The following PLPP3 variants were observed in gnomAD, a reference collection of about 807,000 sequenced individuals.
PLPP3 encodes the protein phospholipid phosphatase 3, also known as PAP2 beta.
PLPP3 carries 6 observed loss-of-function variants against 29.6 expected under a neutral mutation model. The ratio of observed to expected loss-of-function variants is 0.20; its 90% CI spans 0.11 to 0.40. PLPP3 has a LOEUF of 0.40. Ranked by LOEUF, PLPP3 falls within the 10% of genes least tolerant of loss-of-function variation. The probability of loss-of-function intolerance (pLI) is 1.00; values close to 1 mark genes in which losing one functional copy is unlikely to be tolerated. For synonymous variants in PLPP3, 152 were observed against 159.7 expected (o/e 0.95, Z 0.36); for missense variants, 308 against 407.7 (o/e 0.76, Z 2.11).
intron 5 of PLPP3, among the ~76,000 whole-genome samples, chr1:56,507,372 A>G (rs1645710686): frequency 6.6e-6 from 1 of 152,226 alleles, no homozygotes; most frequent in African/African-American, 2.4e-5. Flanking sequence ...TGAAGCCACA[A>G]GCTAATTCAT....
intron 2 of PLPP3, among the ~76,000 whole-genome samples, chr1:56,534,098 T>G (rs1645908302): frequency 6.6e-6 from 1 of 152,190 alleles, no homozygotes; most frequent in African/African-American, 2.4e-5. Flanking sequence ...CTGCCCATTT[T>G]AAATCTTTGC....
At chr1:56,555,699 A>T (rs1242041708) in intron 1 of PLPP3, among the ~76,000 whole-genome samples, 2 of 152,078 alleles carry the variant, frequency 1.3e-5, no homozygotes, top group African/African-American at 2.4e-5. Context: ...TGTAGAAACA[A>T]GGTCTTGCTA....
At chr1:56,511,003 A>G (rs1380300980) in intron 5 of PLPP3, among the ~76,000 whole-genome samples, 1 of 152,140 alleles carries the variant, frequency 6.6e-6, no homozygotes, top group Non-Finnish European at 1.5e-5. Flanking sequence ...AGATCTCTCT[A>G]TTGTTCATAA....
Position 56,524,267 on chromosome 1 carries a change from G to C in PLPP3, c.575+10C>G. On this transcript the variant is annotated intron_variant, in intron 3 of 5. Coordinates refer to ENST00000371250, the MANE Select transcript of PLPP3 (RefSeq NM_003713.5). The surrounding 1 kb of genome is among the most constrained non-coding windows in gnomAD (Gnocchi z 4.3). ...GTCCAGGCTCTGGCCATGCGGAGGTGGTGTCTCACCTGGCTTCCTGGACTT... is the reference window on the plus strand; with the variant it reads ...GTCCAGGCTCTGGCCATGCGGAGGTCGTGTCTCACCTGGCTTCCTGGACTT... 3 of 1,612,608 alleles carry C rather than the reference G, an allele frequency of 1.9e-6. No homozygotes were observed. Among genetic ancestry groups the C allele is most frequent in the Non-Finnish European group, 2.5e-6 (3 of 1,179,608 alleles).
chr1:56,566,772 T>G (rs1646164513), intron 1 of PLPP3, among the ~76,000 whole-genome samples: 1 of 152,238 alleles, frequency 6.6e-6, no homozygotes, highest in East Asian at 1.9e-4. Context: ...TACTTACAAC[T>G]TGATTTTTTA....
chr1:56,563,347 G>A (rs1013181433), intron 1 of PLPP3, among the ~76,000 whole-genome samples: 9 of 152,158 alleles, frequency 5.9e-5, no homozygotes, highest in Admixed American at 2.0e-4. Context: ...TACACGGAGC[G>A]TTTTCCAAAG....
intron 1 of PLPP3, among the ~76,000 whole-genome samples, chr1:56,558,546 T>C (rs957613817): frequency 1.3e-5 from 2 of 152,250 alleles, no homozygotes; most frequent in Non-Finnish European, 2.9e-5. Flanking sequence ...CAATTATTTA[T>C]GACAGATAAC....
chr1:56,574,656 C>G (rs188275452), intron 1 of PLPP3, among the ~76,000 whole-genome samples: 10 of 152,312 alleles, frequency 6.6e-5, no homozygotes, highest in Non-Finnish European at 1.5e-4. Flanking sequence ...TGAAAGGACA[C>G]ATCCGGCGTA....
At chr1:56,500,068 G>A (rs749281460) in intron 5 of PLPP3, among the ~76,000 whole-genome samples, 4 of 152,168 alleles carry the variant, frequency 2.6e-5, no homozygotes, top group East Asian at 1.9e-4. Context: ...GTTACGATGC[G>A]CAGAACATTT....
At chr1:56,529,157 T>C (rs896757046) in intron 2 of PLPP3, among the ~76,000 whole-genome samples, 1 of 152,046 alleles carries the variant, frequency 6.6e-6, no homozygotes, top group African/African-American at 2.4e-5. Flanking sequence ...ATTACTAAAT[T>C]ATTACCAACA....
At chr1:56,503,952 A>T (rs1011597311) in intron 5 of PLPP3, among the ~76,000 whole-genome samples, 1 of 151,784 alleles carries the variant, frequency 6.6e-6, no homozygotes, top group African/African-American at 2.4e-5. Flanking sequence ...CAATTTTTGT[A>T]TTTTTTTAGT....
In PLPP3 at chr1:56,501,661, A is replaced by G. The variant is rs78743815; in HGVS notation, c.811-4985T>C. Among the ~76,000 whole-genome samples, 950 of 152,268 alleles carry G rather than the reference A, an allele frequency of 6.2e-3. 8 individuals carry two copies. The highest frequency in any genetic ancestry group is 0.022 in the African/African-American group (910 of 41,562). Reference sequence around the variant, plus strand: ...GGAATATGATCTAATTTACCCAAGCACTGTGGACAATGTAGCCCCTTCCTT... The same window carrying G: ...GGAATATGATCTAATTTACCCAAGCGCTGTGGACAATGTAGCCCCTTCCTT... On this transcript the variant is annotated intron_variant, in intron 5 of 5. Transcript: ENST00000371250.
At chr1:56,571,759 T>C (rs1368913681) in intron 1 of PLPP3, among the ~76,000 whole-genome samples, 1 of 151,148 alleles carries the variant, frequency 6.6e-6, no homozygotes, top group East Asian at 1.9e-4. Flanking sequence ...ACTGCTTTGA[T>C]TGCATTAATT....
At chr1:56,555,781 A>G (rs1359493803) in intron 1 of PLPP3, among the ~76,000 whole-genome samples, 4 of 152,280 alleles carry the variant, frequency 2.6e-5, no homozygotes, top group African/African-American at 9.6e-5. Flanking sequence ...ATCGCTGGGG[A>G]TTACAGGTGT....
At chr1:56,571,509 T>A (rs1240465827) in intron 1 of PLPP3, among the ~76,000 whole-genome samples, 1 of 152,132 alleles carries the variant, frequency 6.6e-6, no homozygotes, top group Non-Finnish European at 1.5e-5. Context: ...TAACTGACAT[T>A]AAAAAATGAC....
At chr1:56,578,743 C>G (rs1646254969) in intron 1 of PLPP3, 135 bp downstream of exon 1, 1 of 992,466 alleles carries the variant, frequency 1.0e-6, no homozygotes, top group Admixed American at 4.6e-5. Flanking sequence ...CGCAAAGGCT[C>G]CCCAGGAAGG....
intron 5 of PLPP3, 22 bp downstream of exon 5, chr1:56,511,954 T>G: frequency 6.2e-7 from 1 of 1,612,592 alleles, no homozygotes; most frequent in African/African-American, 1.3e-5. Context: ...CACTTGCATA[T>G]TGAGGACAAG....
At chr1:56,516,558 T>TA (rs1264402028) in intron 4 of PLPP3, among the ~76,000 whole-genome samples, 1 of 152,174 alleles carries the variant, frequency 6.6e-6, no homozygotes, top group African/African-American at 2.4e-5. Context: ...TCTTCTAGTC[T>TA]ACTGCTGACA....
chr1:56,536,970 G>C lies in PLPP3; in HGVS notation c.282C>G (p.Val94=). The change falls in exon 2 of 6, where the codon GTC becomes GTG. Residue 94 remains valine, a synonymous_variant. Transcript: ENST00000371250. ...NDAVLCAVGI[V]IAILAIITGE... ...GGACACTTACCGCGAGGATGGCAAT[G>C]ACGATCCCCACGGCACAGAGCACAG... 1 of 1,613,648 alleles carries C rather than the reference G, an allele frequency of 6.2e-7. No individual in the cohort carries two copies. Among genetic ancestry groups the C allele is most frequent in the Non-Finnish European group, 8.5e-7 (1 of 1,179,730 alleles).
Sources: gnomAD v4.1 joint callset for allele counts (sites outside exome capture counted in the v4.1 genomes callset) on GRCh38, gnomAD v4.1.1 for gene constraint, Gnocchi (gnomAD v3.1) non-coding constraint, MANE v1.5 for transcripts, NCBI Gene and HGNC (gene_info 2026-07-23, HGNC 2026-07-21) for gene names.